FNDC3A: variants seen among roughly 807,000 people sequenced by gnomAD.
FNDC3A encodes the protein fibronectin type III domain containing 3A.
FNDC3A carries 32 observed loss-of-function variants against 148.9 expected under a neutral mutation model. The ratio of observed to expected loss-of-function variants is 0.21; its 90% CI spans 0.16 to 0.29. The LOEUF (loss-of-function observed/expected upper bound fraction) is 0.29. FNDC3A is among the 10% of genes least tolerant of loss of function. The pLI is 1.00. For missense variants in FNDC3A, 1,191 were observed against 1,452.8 expected, an observed-to-expected ratio of 0.82 and a Z score of 2.93; for synonymous variants, 472 against 473.6, an observed-to-expected ratio of 1.00 and a Z score of 0.04.
At position 49,131,313 on chromosome 13, in the gene FNDC3A, T is replaced by C; in HGVS notation, c.429T>C (p.Ala143=). The C allele has an allele frequency of 1.9e-6, 3 of 1,614,148 alleles. No individual in the cohort carries two copies. The highest frequency in any genetic ancestry group is 2.5e-6 in the Non-Finnish European group (3 of 1,180,020). The change falls in exon 5 of 26, where the codon GCT becomes GCC. Residue 143 remains alanine, a synonymous_variant. Coordinates refer to ENST00000492622, the MANE Select transcript of FNDC3A (RefSeq NM_001079673.2). The stretch of plus-strand genomic sequence containing the variant: ...ATATGTACTCACCCGTGACTGGAGC[T>C]GGAGACATGACAACACAGTATATGC... The part of the protein sequence containing the change: ...PRHMYSPVTG[A]GDMTTQYMPQ...
At chr13:49,049,404 T>G (rs530953061) in intron 2 of FNDC3A, among the ~76,000 whole-genome samples, 1 of 152,332 alleles carries the variant, frequency 6.6e-6, no homozygotes, top group African/African-American at 2.4e-5. Context: ...TCTTTGAATG[T>G]CTGATAGAAT....
At chr13:49,066,669 ATATTCTTT>A (rs1179163219) in intron 2 of FNDC3A, among the ~76,000 whole-genome samples, 2 of 151,934 alleles carry the variant, frequency 1.3e-5, no homozygotes, top group Non-Finnish European at 2.9e-5. Context: ...TTCAAAGCTT[ATATTCTTT>A]TTTTTTTTAA....
chr13:49,083,375 A>G (rs149779440), intron 3 of FNDC3A, among the ~76,000 whole-genome samples: 1 of 152,364 alleles, frequency 6.6e-6, no homozygotes, highest in Non-Finnish European at 1.5e-5. Context: ...CTAGAACTAA[A>G]TATGAGTCAT....
chr13:49,050,051 A>G (rs763127929), intron 2 of FNDC3A, among the ~76,000 whole-genome samples: 1 of 152,132 alleles, frequency 6.6e-6, no homozygotes, highest in Non-Finnish European at 1.5e-5. Context: ...AATCTCACTA[A>G]TGGTCTATCA....
In FNDC3A at chr13:49,207,542, T is replaced by C; in HGVS notation, c.*147T>C. 2 of 548,156 alleles carry C rather than the reference T, an allele frequency of 3.6e-6. No individual in the cohort carries two copies. The allele number at this position is 548,156 out of a possible 1,614,324, so 34.0% of individuals were successfully genotyped here. ...TTTTTGCCATTTTCAGTGCTTATATTGTTAGGTAGAGGCTGGCACTTTATT... is the reference window on the plus strand; with the variant it reads ...TTTTTGCCATTTTCAGTGCTTATATCGTTAGGTAGAGGCTGGCACTTTATT... On this transcript the variant is annotated 3_prime_UTR_variant, in exon 26 of 26. Transcript: ENST00000492622.
At chr13:48,982,718 GTGTCATCAT>G (rs1951716427) in intron 1 of FNDC3A, among the ~76,000 whole-genome samples, 1 of 152,046 alleles carries the variant, frequency 6.6e-6, no homozygotes, top group Non-Finnish European at 1.5e-5. Context: ...ATATCCTATT[GTGTCATCAT>G]TTCTTACCTC....
chr13:49,176,713 G>C (rs900869901), intron 13 of FNDC3A, among the ~76,000 whole-genome samples: 5 of 152,152 alleles, frequency 3.3e-5, no homozygotes, highest in Non-Finnish European at 7.3e-5. Context: ...AATACAGTAA[G>C]TATTGCCACA....
At chr13:49,153,578 C>T (rs536985816) in intron 8 of FNDC3A, among the ~76,000 whole-genome samples, 37 of 152,272 alleles carry the variant, frequency 2.4e-4, no homozygotes, top group African/African-American at 8.7e-4. Flanking sequence ...GTGTTTTAGA[C>T]AGGAAGTCCT....
chr13:48,977,947 T>C (rs1221714213), intron 1 of FNDC3A, among the ~76,000 whole-genome samples: 1 of 152,134 alleles, frequency 6.6e-6, no homozygotes, highest in Non-Finnish European at 1.5e-5. Flanking sequence ...CTGAATTAAC[T>C]CCCTCTTTTT....
intron 2 of FNDC3A, among the ~76,000 whole-genome samples, chr13:49,059,294 T>C: frequency 6.6e-6 from 1 of 152,208 alleles, no homozygotes. Flanking sequence ...TAAATCTTCA[T>C]GGCCTTGGAT....
intron 1 of FNDC3A, chr13:48,987,831 T>C (rs1354797014): frequency 6.6e-6 from 1 of 152,248 alleles, no homozygotes; most frequent in African/African-American, 2.4e-5. Context: ...AAACTATGGC[T>C]ATAATCACTG....
chr13:49,037,763 G>T (rs1874607030), intron 2 of FNDC3A, among the ~76,000 whole-genome samples: 1 of 152,178 alleles, frequency 6.6e-6, no homozygotes, highest in African/African-American at 2.4e-5. Flanking sequence ...TATGGGAGCG[G>T]GAACTCGCAG....
chr13:49,082,848 G>T (rs942424212), intron 3 of FNDC3A, among the ~76,000 whole-genome samples: 5 of 152,132 alleles, frequency 3.3e-5, no homozygotes, highest in Non-Finnish European at 7.4e-5. Flanking sequence ...AGTGTGGCAT[G>T]TAAGAACTTG....
At chr13:49,028,562 G>T (rs2137658804) in intron 2 of FNDC3A, among the ~76,000 whole-genome samples, 1 of 152,194 alleles carries the variant, frequency 6.6e-6, no homozygotes, top group Non-Finnish European at 1.5e-5. Context: ...TGAAATCAAA[G>T]ACACAAATAG....
chr13:49,187,584 A>C, intron 16 of FNDC3A: 2 of 1,610,780 alleles, frequency 1.2e-6, no homozygotes, highest in East Asian at 4.5e-5. Context: ...TTTCCACTGA[A>C]AATGGCAAAT....
intron 14 of FNDC3A, among the ~76,000 whole-genome samples, chr13:49,181,965 G>A (rs79107694): frequency 0.012 from 1,821 of 152,018 alleles, 14 homozygotes; most frequent in Non-Finnish European, 0.02. Flanking sequence ...AAAGAAGAAT[G>A]AAAATAAAAT....
intron 14 of FNDC3A, among the ~76,000 whole-genome samples, chr13:49,182,211 A>T (rs1476660389): frequency 6.6e-6 from 1 of 151,894 alleles, no homozygotes; most frequent in Non-Finnish European, 1.5e-5. Context: ...ATGGTCTTGA[A>T]TTCCTGTACT....
chr13:49,199,630 A>G (rs944299751), intron 23 of FNDC3A, among the ~76,000 whole-genome samples: 1 of 152,102 alleles, frequency 6.6e-6, no homozygotes, highest in South Asian at 2.1e-4. Flanking sequence ...CCGGCCCTGA[A>G]ACAATTTTAT....
intron 3 of FNDC3A, among the ~76,000 whole-genome samples, chr13:49,102,157 G>C (rs1879902874): frequency 6.6e-6 from 1 of 151,424 alleles, no homozygotes; most frequent in Non-Finnish European, 1.5e-5. Context: ...ATTTTTTTAA[G>C]CTTACTCTTT....
Sources: allele counts gnomAD v4.1 joint callset (sites outside exome capture counted in the v4.1 genomes callset), GRCh38; gene constraint gnomAD v4.1.1; transcripts MANE v1.5; gene names NCBI Gene and HGNC (gene_info 2026-07-23, HGNC 2026-07-21).